Variants in SLC37A3 observed in about 807,000 individuals in gnomAD.
SLC37A3 encodes sugar phosphate exchanger 3.
A neutral mutation model predicts 67.1 loss-of-function variants in SLC37A3; 51 were observed. The ratio of observed to expected loss-of-function variants is 0.76; its 90% CI spans 0.61 to 0.96. The LOEUF (loss-of-function observed/expected upper bound fraction) is 0.96, where lower values mean the gene tolerates loss of function less well. Among genes scored for constraint, SLC37A3 ranks in the 40% least tolerant of loss-of-function variants. SLC37A3 has a pLI of 0.00. For missense variants in SLC37A3, 508 were observed against 603.0 expected (o/e 0.84, Z 1.65); for synonymous variants, 214 against 231.4 (o/e 0.92, Z 0.68).
At chr7:140,337,098 CAA>C (rs1172096190) in intron 14 of SLC37A3, among the ~76,000 whole-genome samples, 184 bp downstream of exon 14, 4 of 69,634 alleles carry the variant, frequency 5.7e-5, no homozygotes, top group Admixed American at 3.5e-4. Context: ...GACTCTGCCT[CAA>C]AAAAAAAAAA....
intron 14 of SLC37A3, among the ~76,000 whole-genome samples, 186 bp downstream of exon 14, chr7:140,337,098 C>CAAAAAAAAA (rs1172096190): frequency 7.2e-5 from 5 of 69,600 alleles, no homozygotes; most frequent in Admixed American, 1.8e-4. Context: ...GACTCTGCCT[C>CAAAAAAAAA]AAAAAAAAAA....
chr7:140,392,899 C>T (rs746194888), intron 1 of SLC37A3, among the ~76,000 whole-genome samples: 8 of 152,020 alleles, frequency 5.3e-5, no homozygotes, highest in Non-Finnish European at 8.8e-5. Flanking sequence ...TGAGACCAGC[C>T]GGGCCAACAT....
intron 2 of SLC37A3, among the ~76,000 whole-genome samples, chr7:140,380,897 C>CT (rs56276405): frequency 0.34 from 42,603 of 125,782 alleles, 8,232 homozygotes; most frequent in African/African-American, 0.52. Flanking sequence ...TCTTCTTCTT[C>CT]TTTTTTTTTT....
Position 140,348,691 on chromosome 7 carries a change from T to G in SLC37A3, c.959A>C (p.Asn320Thr), listed in dbSNP as rs964802223. ...FFWLPFYLSN[N>T]FGWKEAEADK... ...GGCTTCCGCCTCCTTCCAGCCGAAG[T>G]TGTTACTCAGATAAAAGGGGAGCCA... The change falls in exon 10 of 15, where the codon AAC (asparagine) becomes ACC (threonine). Residue 320 changes from asparagine to threonine, a missense_variant. Asn to Thr is a moderately conservative substitution (Grantham distance 65). Transcript: ENST00000326232. The G allele has an allele frequency of 1.2e-6, 2 of 1,614,176 alleles. No homozygotes were observed. Among genetic ancestry groups the G allele is most frequent in the Non-Finnish European group, 1.7e-6 (2 of 1,180,024 alleles).
chr7:140,392,335 T>A (rs1798754733), intron 1 of SLC37A3, among the ~76,000 whole-genome samples: 1 of 152,160 alleles, frequency 6.6e-6, no homozygotes, highest in Non-Finnish European at 1.5e-5. Context: ...AGGTAGCCTT[T>A]ACTTCTTTTC....
chr7:140,337,812 T>C (rs1306957668), intron 13 of SLC37A3: 1 of 152,580 alleles, frequency 6.6e-6, no homozygotes, highest in Admixed American at 6.5e-5. Context: ...CTGAAAAGGA[T>C]CTAATTGCAC....
chr7:140,334,433 A>C lies in SLC37A3; in HGVS notation c.*979T>G, dbSNP rs1414204215. On this transcript the variant is annotated 3_prime_UTR_variant, in exon 15 of 15. Coordinates refer to ENST00000326232, the MANE Select transcript of SLC37A3 (RefSeq NM_207113.3). ...GCATCTGTACTTGACACTTACTAGA[A>C]GAAAAGGTCTTTCCCTTTTCTCTAA... 6.6e-6 allele frequency: 1 copy of C among 152,616 alleles called. No homozygotes were observed. The highest frequency in any genetic ancestry group is 6.5e-5 in the Admixed American group (1 of 15,280). The allele number at this position is 152,616 out of a possible 1,614,324, so 9.5% of individuals were successfully genotyped here. A position where few individuals can be genotyped will look rare whatever the true frequency, so the allele number is the denominator to read the frequency against.
chr7:140,366,140 G>T (rs911139922), intron 4 of SLC37A3, among the ~76,000 whole-genome samples: 1 of 151,812 alleles, frequency 6.6e-6, no homozygotes, highest in Non-Finnish European at 1.5e-5. Flanking sequence ...GTTTGGTCTT[G>T]AAGTATTGGC....
At chr7:140,396,675 C>A (rs543038724) in intron 1 of SLC37A3, among the ~76,000 whole-genome samples, 1 of 152,122 alleles carries the variant, frequency 6.6e-6, no homozygotes, top group Admixed American at 6.5e-5. Context: ...GAACCTTAAA[C>A]AATGAACAAG....
At chr7:140,387,466 T>G (rs1798498088) in intron 1 of SLC37A3, among the ~76,000 whole-genome samples, 3 of 150,036 alleles carry the variant, frequency 2.0e-5, no homozygotes, top group African/African-American at 7.4e-5. Flanking sequence ...ATACAAAAAA[T>G]TAGCCGGGCG....
chr7:140,383,565 G>C (rs1226454497), intron 1 of SLC37A3, among the ~76,000 whole-genome samples: 1 of 152,140 alleles, frequency 6.6e-6, no homozygotes, highest in Admixed American at 6.6e-5. Context: ...TGGGCAAGCT[G>C]CCTAACCCCT....
intron 1 of SLC37A3, among the ~76,000 whole-genome samples, chr7:140,388,966 G>A (rs1005204102): frequency 5.3e-5 from 8 of 152,088 alleles, no homozygotes; most frequent in African/African-American, 1.9e-4. Flanking sequence ...TAGTGAAACC[G>A]CCTTTGCAAA....
At chr7:140,359,139 C>T (rs942012665) in intron 5 of SLC37A3, among the ~76,000 whole-genome samples, 4 of 152,002 alleles carry the variant, frequency 2.6e-5, no homozygotes, top group East Asian at 1.9e-4. Context: ...GTCAGGAAAT[C>T]GAGACCATCC....
intron 7 of SLC37A3, among the ~76,000 whole-genome samples, chr7:140,354,953 C>G (rs544641634): frequency 4.6e-5 from 7 of 152,134 alleles, no homozygotes; most frequent in African/African-American, 1.7e-4. Flanking sequence ...TTATATTGCC[C>G]AGGCTGATCT....
intron 1 of SLC37A3, among the ~76,000 whole-genome samples, chr7:140,397,483 C>T (rs1489245598): frequency 6.6e-6 from 1 of 151,910 alleles, no homozygotes; most frequent in Admixed American, 6.6e-5. Context: ...CATGAGACAC[C>T]GCGCCCAACC....
Position 140,351,420 on chromosome 7 carries a change from A to G in SLC37A3, c.735T>C (p.Phe245=). 6.2e-7 allele frequency: 1 copy of G among 1,614,156 alleles called. No individual in the cohort carries two copies. Among genetic ancestry groups the G allele is most frequent in the Non-Finnish European group, 8.5e-7 (1 of 1,180,028 alleles). ...TTAATGGCCTGTGTGAGTCTTCTTC[A>G]AAGTTTTCTTCTGCCTCAATACCCG... ...GLSGIEAEEN[F]EEDSHRPLIN... is the part of the protein sequence containing the mutation. Residue 245 remains phenylalanine (F), a synonymous_variant, in exon 9 of 15, where the codon TTT becomes TTC. Transcript: ENST00000326232.
intron 10 of SLC37A3, among the ~76,000 whole-genome samples, chr7:140,348,258 C>T (rs1448029739): frequency 6.6e-6 from 1 of 152,048 alleles, no homozygotes; most frequent in Non-Finnish European, 1.5e-5. Flanking sequence ...GGATCTCTGA[C>T]ATACAATTAG....
chr7:140,358,899 G>T (rs1006638119), intron 5 of SLC37A3, 114 bp from the exon 6 acceptor site: 3 of 1,308,812 alleles, frequency 2.3e-6, no homozygotes, highest in African/African-American at 2.9e-5. Flanking sequence ...CACTCACACA[G>T]CCAGTGCCTG....
At chr7:140,342,627 A>G (rs1170323909) in intron 13 of SLC37A3, among the ~76,000 whole-genome samples, 1 of 152,202 alleles carries the variant, frequency 6.6e-6, no homozygotes, top group African/African-American at 2.4e-5. Context: ...GGCATGACTC[A>G]TGACTCTGCC....
Sources: allele counts gnomAD v4.1 joint callset (sites outside exome capture counted in the v4.1 genomes callset), GRCh38; gene constraint gnomAD v4.1.1; transcripts MANE v1.5; gene names NCBI Gene and HGNC (gene_info 2026-07-23, HGNC 2026-07-21).